Variants in KCNMA1 observed in about 807,000 individuals in gnomAD.
KCNMA1 encodes potassium calcium-activated channel subfamily M alpha 1, also known as Calcium-activated potassium channel subunit alpha-1.
In KCNMA1, 29 loss-of-function variants were observed where a neutral mutation model predicts 140.0. The observed-to-expected ratio is 0.21, with a 90% CI of 0.15 to 0.28. The LOEUF (loss-of-function observed/expected upper bound fraction) is 0.28. KCNMA1 is among the 10% of genes least tolerant of loss of function. KCNMA1 has a pLI of 1.00. For missense variants in KCNMA1, 880 were observed against 1,602.2 expected (o/e 0.55, Z 7.70); for synonymous variants, 612 against 611.9 (o/e 1.00, Z 0.00).
intron 5 of KCNMA1, among the ~76,000 whole-genome samples, chr10:77,145,731 C>T (rs2098276687): frequency 6.6e-6 from 1 of 152,146 alleles, no homozygotes; most frequent in Non-Finnish European, 1.5e-5. Flanking sequence ...TATCTAATTC[C>T]CTCAACCCTG....
intron 25 of KCNMA1, among the ~76,000 whole-genome samples, chr10:76,892,975 C>T (rs962563741): frequency 6.6e-6 from 1 of 152,094 alleles, no homozygotes; most frequent in Non-Finnish European, 1.5e-5. Context: ...GCCTGCCAGA[C>T]CCTAAAGGAA....
intron 18 of KCNMA1, among the ~76,000 whole-genome samples, chr10:77,007,671 A>ATATATATATATATATATATATG (rs1565504676): frequency 2.1e-5 from 3 of 141,372 alleles, no homozygotes; most frequent in Admixed American, 7.1e-5. Flanking sequence ...ATATATATAT[A>ATATATATATATATATATATATG]TATATGTATC....
chr10:77,512,038 T>C (rs1285291933), intron 1 of KCNMA1, among the ~76,000 whole-genome samples: 1 of 152,188 alleles, frequency 6.6e-6, no homozygotes, highest in South Asian at 2.1e-4. Flanking sequence ...AGGTGTTTGA[T>C]GGTGAGCAGG....
Position 77,401,765 on chromosome 10 carries a change from C to T in KCNMA1, c.540+2097G>A, listed in dbSNP as rs974330830. 2.0e-5 allele frequency among the ~76,000 whole-genome samples: 3 copies of T among 152,188 alleles called. 1 individual carries two copies. Among genetic ancestry groups the T allele is most frequent in the Admixed American group, 2.0e-4 (3 of 15,282 alleles). On this transcript the variant is annotated intron_variant, in intron 2 of 27. Transcript: ENST00000286628. ...ATCTTCCCGCCATAAAGCAGCTCATCTTGAAATGGGAGTTTTAGTTCAAAG... is the reference window on the plus strand; with the variant it reads ...ATCTTCCCGCCATAAAGCAGCTCATTTTGAAATGGGAGTTTTAGTTCAAAG...
At chr10:77,425,332 T>A (rs2096960050) in intron 1 of KCNMA1, among the ~76,000 whole-genome samples, 1 of 152,198 alleles carries the variant, frequency 6.6e-6, no homozygotes, top group Admixed American at 6.5e-5. Context: ...AAATGCCCCC[T>A]CCCTGGATTC....
intron 2 of KCNMA1, among the ~76,000 whole-genome samples, chr10:77,333,762 G>T (rs188976210): frequency 6.6e-6 from 1 of 152,122 alleles, no homozygotes; most frequent in Non-Finnish European, 1.5e-5. Flanking sequence ...AGACTACTAC[G>T]GAGTGACTCC....
intron 1 of KCNMA1, among the ~76,000 whole-genome samples, chr10:77,442,553 T>C (rs2097430014): frequency 6.6e-6 from 1 of 152,096 alleles, no homozygotes; most frequent in African/African-American, 2.4e-5. Context: ...GCTCAGTGCC[T>C]CAGCTTCCCC....
intron 5 of KCNMA1, among the ~76,000 whole-genome samples, chr10:77,176,592 A>T (rs182378790): frequency 6.1e-4 from 93 of 152,126 alleles, no homozygotes; most frequent in African/African-American, 2.1e-3. Context: ...GCCGTGAATG[A>T]CCCCTGGAGC....
At chr10:77,208,148 C>A (rs756452759) in intron 3 of KCNMA1, among the ~76,000 whole-genome samples, 1 of 152,194 alleles carries the variant, frequency 6.6e-6, no homozygotes, top group African/African-American at 2.4e-5. Flanking sequence ...TCAGCTTAAC[C>A]TTATTTGTTC....
rs569353435 is a variant in KCNMA1, at chr10:77,087,890, A to G, written c.1335-1297T>C. ...TAATAGTTCATGTTTTGTAACATTT[A>G]CTATATGGCAGATAACATTTTAAAT... On this transcript the variant is annotated intron_variant, in intron 10 of 27. Transcript: ENST00000286628. Among the ~76,000 whole-genome samples, 196 of 152,196 alleles carry G rather than the reference A, an allele frequency of 1.3e-3. 3 individuals carry two copies. The highest frequency in any genetic ancestry group is 1.5e-3 in the Non-Finnish European group (105 of 68,004).
At position 76,887,043 on chromosome 10, in the gene KCNMA1, T is replaced by C. The variant is rs886047267; in HGVS notation, c.*223A>G. ...TTGGGTTATTTTTCCCCCAGAATCA[T>C]AAATAACTTTTGGTCCGTCTGCTTA... On this transcript the variant is annotated 3_prime_UTR_variant, in exon 28 of 28. Transcript: ENST00000286628. The C allele has an allele frequency of 2.4e-5, 34 of 1,435,524 alleles. No homozygotes were observed. The highest frequency in any genetic ancestry group is 3.1e-5 in the Non-Finnish European group (34 of 1,092,348). The allele number at this position is 1,435,524 out of a possible 1,614,324, so 88.9% of individuals were successfully genotyped here. A position where few individuals can be genotyped will look rare whatever the true frequency, so the allele number is the denominator to read the frequency against.
chr10:77,349,077 C>T lies in KCNMA1; in HGVS notation c.540+54785G>A, dbSNP rs556820506. On this transcript the variant is annotated intron_variant, in intron 2 of 27. Coordinates refer to ENST00000286628, the MANE Select transcript of KCNMA1 (RefSeq NM_001161352.2). ...TAATGCAATCCCTGAATTCTCCTTGCTATGCTCTGAATGTTTATGCCTGCC... is the reference window on the plus strand; with the variant it reads ...TAATGCAATCCCTGAATTCTCCTTGTTATGCTCTGAATGTTTATGCCTGCC... Among the ~76,000 whole-genome samples the T allele has an allele frequency of 3.9e-5, 6 of 152,312 alleles. 1 individual carries two copies. In the South Asian group the frequency reaches 1.2e-3, roughly 32 times the overall value.
chr10:77,556,496 C>A (rs2064460470), intron 1 of KCNMA1, among the ~76,000 whole-genome samples: 1 of 78,632 alleles, frequency 1.3e-5, no homozygotes, highest in African/African-American at 5.6e-5. Context: ...CAGAGTGGGA[C>A]TATCTCAAAA....
intron 5 of KCNMA1, among the ~76,000 whole-genome samples, chr10:77,145,222 T>C (rs1261948049): frequency 1.3e-5 from 2 of 152,182 alleles, no homozygotes; most frequent in Admixed American, 6.5e-5. Flanking sequence ...CATCTCCACA[T>C]ACGAGCCACA....
At chr10:76,918,847 C>A (rs2054080161) in intron 23 of KCNMA1, among the ~76,000 whole-genome samples, 3 of 151,730 alleles carry the variant, frequency 2.0e-5, no homozygotes, top group Admixed American at 2.0e-4. Context: ...CCCAAATGCC[C>A]ATTAATCAAT....
chr10:77,021,130 A>G (rs990500297), intron 16 of KCNMA1: 2 of 152,200 alleles, frequency 1.3e-5, no homozygotes, highest in Non-Finnish European at 2.9e-5. Flanking sequence ...TTGCCCATTA[A>G]TGAGATGAAA....
chr10:77,541,060 C>A (rs1368784963), intron 1 of KCNMA1, among the ~76,000 whole-genome samples: 1 of 150,468 alleles, frequency 6.6e-6, no homozygotes, highest in African/African-American at 2.4e-5. Context: ...GCTTATGAAC[C>A]AACAAAATTT....
chr10:77,578,467 G>A (rs1280631404), intron 1 of KCNMA1, among the ~76,000 whole-genome samples: 1 of 152,136 alleles, frequency 6.6e-6, no homozygotes, highest in African/African-American at 2.4e-5. Context: ...CTGTGGTAGG[G>A]ATCAAATGCC....
intron 1 of KCNMA1, among the ~76,000 whole-genome samples, chr10:77,618,393 C>T (rs539880126): frequency 2.0e-5 from 3 of 152,182 alleles, no homozygotes; most frequent in Non-Finnish European, 4.4e-5. Context: ...ATCGCCACTG[C>T]ACACACCAGA....
Sources: gnomAD v4.1 joint callset for allele counts (sites outside exome capture counted in the v4.1 genomes callset) on GRCh38, gnomAD v4.1.1 for gene constraint, MANE v1.5 for transcripts, NCBI Gene and HGNC (gene_info 2026-07-23, HGNC 2026-07-21) for gene names.